Variants in ASPH observed in about 807,000 individuals in gnomAD.
ASPH encodes the protein aspartate beta-hydroxylase.
A neutral mutation model predicts 118.4 loss-of-function variants in ASPH; 100 were observed. That is an observed-to-expected ratio of 0.84 (90% confidence interval 0.72 to 1.00). The LOEUF is 1.00. ASPH is among the 50% of genes least tolerant of loss of function. ASPH has a pLI of 0.00. For missense variants in ASPH, 920 were observed against 919.5 expected, an observed-to-expected ratio of 1.00 and a Z score of -0.01; for synonymous variants, 315 against 325.6, an observed-to-expected ratio of 0.97 and a Z score of 0.35.
At chr8:61,654,538 C>T (rs10504331) in intron 3 of ASPH, among the ~76,000 whole-genome samples, 21,905 of 152,142 alleles carry the variant, frequency 0.14, 1,617 homozygotes, top group African/African-American at 0.19. Flanking sequence ...GTATTCTAAT[C>T]TTAAGCAGCT....
intron 1 of ASPH, among the ~76,000 whole-genome samples, chr8:61,711,513 C>T (rs1838054948): frequency 6.6e-6 from 1 of 151,818 alleles, no homozygotes; most frequent in Non-Finnish European, 1.5e-5. Flanking sequence ...CTGTAGAAAA[C>T]CATTTTATCA....
intron 3 of ASPH, chr8:61,665,268 G>A (rs764511871): frequency 3.1e-5 from 50 of 1,597,748 alleles, no homozygotes; most frequent in Non-Finnish European, 4.0e-5. Flanking sequence ...TTTCTTTTCT[G>A]GGTATTTCCC....
intron 24 of ASPH, among the ~76,000 whole-genome samples, chr8:61,507,632 T>G (rs555075848): frequency 2.0e-4 from 27 of 137,902 alleles, no homozygotes; most frequent in Non-Finnish European, 3.2e-4. Context: ...CAGGTTAAAT[T>G]CGAGATGTAT....
intron 1 of ASPH, chr8:61,689,831 A>C: frequency 7.1e-7 from 1 of 1,413,008 alleles, no homozygotes; most frequent in Non-Finnish European, 9.3e-7. Flanking sequence ...CTGCACTGTA[A>C]GGGCCTCTAG....
intron 20 of ASPH, among the ~76,000 whole-genome samples, chr8:61,549,153 T>G (rs1586895793): frequency 6.6e-6 from 1 of 152,270 alleles, no homozygotes; most frequent in South Asian, 2.1e-4. Flanking sequence ...AAGCATTTCA[T>G]AGTAACTTGA....
At chr8:61,573,713 G>T (rs1277337886) in intron 16 of ASPH, among the ~76,000 whole-genome samples, 1 of 151,440 alleles carries the variant, frequency 6.6e-6, no homozygotes, top group East Asian at 1.9e-4. Context: ...AAAAATTAAA[G>T]ACTTCAATGT....
intron 5 of ASPH, among the ~76,000 whole-genome samples, chr8:61,647,479 T>C (rs961034017): frequency 9.2e-5 from 14 of 152,140 alleles, no homozygotes; most frequent in Admixed American, 7.2e-4. Context: ...AAGACCAGCC[T>C]GGCCAACATG....
chr8:61,615,942 C>T (rs1213459888), intron 14 of ASPH, among the ~76,000 whole-genome samples: 1 of 151,994 alleles, frequency 6.6e-6, no homozygotes, highest in Non-Finnish European at 1.5e-5. Context: ...TCATATGAAT[C>T]GATTTGAATA....
chr8:61,663,984 A>G, intron 3 of ASPH: 3 of 863,936 alleles, frequency 3.5e-6, no homozygotes, highest in Non-Finnish European at 4.2e-6. Context: ...AAAAGTAAAT[A>G]AATATGTTTT....
At chr8:61,699,394 A>T (rs1834710600) in intron 1 of ASPH, among the ~76,000 whole-genome samples, 2 of 152,196 alleles carry the variant, frequency 1.3e-5, no homozygotes, top group South Asian at 4.1e-4. Flanking sequence ...AAATTCCAAA[A>T]ATCCCTCGCC....
chr8:61,688,782 T>A (rs928242539), intron 1 of ASPH, among the ~76,000 whole-genome samples: 1 of 152,168 alleles, frequency 6.6e-6, no homozygotes, highest in Admixed American at 6.5e-5. Flanking sequence ...GATTACCTAA[T>A]CCACAAGAGG....
chr8:61,671,241 T>C (rs1041132149), intron 3 of ASPH, among the ~76,000 whole-genome samples: 51 of 152,310 alleles, frequency 3.3e-4, no homozygotes, highest in African/African-American at 1.2e-3. Context: ...CATTTGCAAC[T>C]TTGGTTGATG....
At chr8:61,597,967 A>G (rs955127040) in intron 14 of ASPH, among the ~76,000 whole-genome samples, 7 of 152,252 alleles carry the variant, frequency 4.6e-5, no homozygotes, top group African/African-American at 1.7e-4. Context: ...TCACTAGTAG[A>G]GCAGACAGAC....
intron 3 of ASPH, chr8:61,656,438 C>T (rs192356038): frequency 3.9e-5 from 6 of 152,320 alleles, no homozygotes; most frequent in Admixed American, 3.9e-4. Flanking sequence ...ATCTCTTGCT[C>T]TGCTTCTTTC....
At position 61,567,269 on chromosome 8, in the gene ASPH, C is replaced by T. The variant is rs1398291954; in HGVS notation, c.1199G>A (p.Gly400Glu). The change falls in exon 17 of 25, where the codon GGA becomes GAA. Residue 400 changes from glycine (G) to glutamate (E), a missense_variant. Transcript: ENST00000379454. ...CACCTCTTGGTAGGTCTCGATGGCT[C>T]CACGTAGCACCTCATTACTTCTCCT... ...EKRRSNEVLR[G>E]AIETYQEVAS... 6.2e-7 allele frequency: 1 copy of T among 1,613,918 alleles called. No individual in the cohort carries two copies. The highest frequency in any genetic ancestry group is 8.5e-7 in the Non-Finnish European group (1 of 1,180,006).
intron 3 of ASPH, chr8:61,661,918 G>A: frequency 2.2e-6 from 1 of 455,104 alleles, no homozygotes; most frequent in East Asian, 3.4e-5. Flanking sequence ...TATATACAAT[G>A]CAAATTACCT....
rs756490083 is a variant in ASPH at position 61,653,658 on chromosome 8, G to T, written c.325C>A (p.Leu109Ile). 2 of 1,613,230 alleles carry T rather than the reference G, an allele frequency of 1.2e-6. No homozygotes were observed. The highest frequency in any genetic ancestry group is 1.7e-6 in the Non-Finnish European group (2 of 1,179,802). ...DVDDAKVLLG[L>I]KERSTSEPAV... ...GGCTCTGAAGTAGATCTCTCTTTAAGTCCTGCATTTTTTTATTCACAAAGT... is the reference window on the plus strand; with the variant it reads ...GGCTCTGAAGTAGATCTCTCTTTAATTCCTGCATTTTTTTATTCACAAAGT... Residue 109 changes from leucine (L) to isoleucine (I), a missense_variant and splice_region_variant, in exon 4 of 25, where the codon CTT becomes ATT. Leu to Ile is a conservative substitution (Grantham distance 5, BLOSUM62 2). Transcript: ENST00000379454.
chr8:61,517,396 G>T, intron 24 of ASPH, 132 bp downstream of exon 24: 1 of 1,302,752 alleles, frequency 7.7e-7, no homozygotes. Context: ...TTAAGAGTTT[G>T]GATTAATATC....
intron 13 of ASPH, chr8:61,626,024 T>C: frequency 1.6e-6 from 2 of 1,220,134 alleles, no homozygotes; most frequent in Non-Finnish European, 2.0e-6. Context: ...ATCCAATGGA[T>C]CCACTAATGC....
Sources: allele counts gnomAD v4.1 joint callset (sites outside exome capture counted in the v4.1 genomes callset), GRCh38; gene constraint gnomAD v4.1.1; transcripts MANE v1.5; gene names NCBI Gene and HGNC (gene_info 2026-07-23, HGNC 2026-07-21).